The following CKAP2L variants were observed in gnomAD, a reference collection of about 807,000 sequenced individuals.
The protein encoded by CKAP2L is cytoskeleton-associated protein 2-like.
A neutral mutation model predicts 65.7 loss-of-function variants in CKAP2L; 42 were observed. The observed-to-expected ratio is 0.64, with a 90% CI of 0.50 to 0.83. CKAP2L has a LOEUF of 0.83. Ranked by LOEUF, CKAP2L falls within the 40% of genes least tolerant of loss-of-function variation. The pLI, the probability that CKAP2L is intolerant of heterozygous loss-of-function variation, is 0.00. For missense variants in CKAP2L, 908 were observed against 871.0 expected (o/e 1.04, Z -0.53); for synonymous variants, 325 against 313.5 (o/e 1.04, Z -0.39).
rs962003802 is a variant in CKAP2L at position 112,737,998 on chromosome 2, C to G, written c.*825G>C. The G allele has an allele frequency of 6.6e-6, 1 of 152,154 alleles. No homozygotes were observed. The allele number at this position is 152,154 out of a possible 1,614,324, so 9.4% of individuals were successfully genotyped here. On this transcript the variant is annotated 3_prime_UTR_variant, in exon 9 of 9. Transcript: ENST00000302450. ...TAATGACTAAGGTAAAACCTTTCCA[C>G]AAATAGTTGCCCAGGAGGAAGAAAA...
chr2:112,755,115 C>T (rs535133520), intron 4 of CKAP2L, among the ~76,000 whole-genome samples: 20 of 152,248 alleles, frequency 1.3e-4, no homozygotes, highest in African/African-American at 4.8e-4. Context: ...TTACATGCTC[C>T]CTTCACTCGT....
chr2:112,741,940 GTTTTTTTTTTTTTT>G (rs57634251), intron 7 of CKAP2L, among the ~76,000 whole-genome samples: 4 of 71,902 alleles, frequency 5.6e-5, no homozygotes, highest in South Asian at 5.7e-4. Flanking sequence ...TTTCTTTTCT[GTTTTTTTTTTTTTT>G]TTTTTTTTTT....
At chr2:112,750,432 G>C (rs1191874153) in intron 5 of CKAP2L, among the ~76,000 whole-genome samples, 1 of 152,192 alleles carries the variant, frequency 6.6e-6, no homozygotes, top group Non-Finnish European at 1.5e-5. Context: ...TAACAATGTA[G>C]CTCCCTTGCC....
chr2:112,756,988 G>A lies in CKAP2L; in HGVS notation c.383C>T (p.Ser128Leu), dbSNP rs76184593. Residue 128 changes from serine (S) to leucine (L), a missense_variant, in exon 4 of 9, where the codon TCG (serine) becomes TTG (leucine). Transcript: ENST00000302450. ...TCTTGACAGTTCTCCTGTTGTGGAC[G>A]ATCCAGCTTCACACTGTTGAAAACT... ...SKSFQQCEAG[S>L]STTGELSRKP... is the part of the protein sequence containing the mutation. 30 of 1,614,172 alleles carry A rather than the reference G, an allele frequency of 1.9e-5. 1 individual carries two copies. The highest frequency in any genetic ancestry group is 8.8e-5 in the South Asian group (8 of 91,078).
Position 112,756,065 on chromosome 2 carries a change from C to T in CKAP2L, c.1306G>A (p.Ala436Thr), listed in dbSNP as rs767029447. 1 of 1,613,966 alleles carries T rather than the reference C, an allele frequency of 6.2e-7. No individual in the cohort carries two copies. The highest frequency in any genetic ancestry group is 2.2e-5 in the East Asian group (1 of 44,884). The change falls in exon 4 of 9, where the codon GCT becomes ACT. Residue 436 changes from alanine to threonine, a missense_variant. By Grantham distance (58) the Ala-to-Thr change is moderately conservative. Transcript: ENST00000302450. Reference sequence around the variant, plus strand: ...GTGACATCAGCTTGAGTTTTGGGAGCTGTCTTGTTCAGAAAATGGTTCTGG... The same window carrying T: ...GTGACATCAGCTTGAGTTTTGGGAGTTGTCTTGTTCAGAAAATGGTTCTGG... ...VPQNHFLNKT[A>T]PKTQADVTTV...
chr2:112,752,845 A>G (rs1203827855), intron 4 of CKAP2L, among the ~76,000 whole-genome samples: 2 of 152,204 alleles, frequency 1.3e-5, no homozygotes, highest in African/African-American at 4.8e-5. Context: ...TCTCACGCAT[A>G]AGCTGTCACT....
Position 112,737,800 on chromosome 2 carries a change from A to G in CKAP2L, c.*1023T>C, listed in dbSNP as rs1270565380. 6.6e-6 allele frequency: 1 copy of G among 152,216 alleles called. No individual in the cohort carries two copies. The highest frequency in any genetic ancestry group is 1.5e-5 in the Non-Finnish European group (1 of 68,042). 9.4% of individuals were successfully genotyped at this position (152,216 alleles called of 1,614,324 possible). ...TAGGACAGCCAACTGGTATATCCTT[A>G]GACAAACTCCTAATTCTCTATGCAA... On this transcript the variant is annotated 3_prime_UTR_variant, in exon 9 of 9. Coordinates refer to ENST00000302450, the MANE Select transcript of CKAP2L (RefSeq NM_152515.5).
rs1345805061 is a variant in CKAP2L, at chr2:112,738,582, A to G, written c.*241T>C. On this transcript the variant is annotated 3_prime_UTR_variant, in exon 9 of 9. Transcript: ENST00000302450. ...AATATTTATCATAGTTGTAGGGTAA[A>G]TATTCAAAAGTTTGAAATTTATGTA... 4 of 513,568 alleles carry G rather than the reference A, an allele frequency of 7.8e-6. No homozygotes were observed. The highest frequency in any genetic ancestry group is 3.3e-5 in the East Asian group (1 of 30,154). 31.8% of individuals were successfully genotyped at this position (513,568 alleles called of 1,614,324 possible). A position where few individuals can be genotyped will look rare whatever the true frequency, so the allele number is the denominator to read the frequency against.
chr2:112,736,371 T>G lies in CKAP2L; in HGVS notation c.*2452A>C, dbSNP rs957921460. On this transcript the variant is annotated 3_prime_UTR_variant, in exon 9 of 9. Transcript: ENST00000302450. Reference sequence around the variant, plus strand: ...GCATTTTGGTGACAATTTTATTTTATTAGGTATATTTAAGATTTACAACAT... The same window carrying G: ...GCATTTTGGTGACAATTTTATTTTAGTAGGTATATTTAAGATTTACAACAT... Among the ~76,000 whole-genome samples, 1 of 152,214 alleles carries G rather than the reference T, an allele frequency of 6.6e-6. No homozygotes were observed. The highest frequency in any genetic ancestry group is 2.4e-5 in the African/African-American group (1 of 41,444).
chr2:112,749,562 A>G (rs1680304921), intron 5 of CKAP2L, among the ~76,000 whole-genome samples: 3 of 152,226 alleles, frequency 2.0e-5, no homozygotes, highest in African/African-American at 7.2e-5. Flanking sequence ...TAGAGTACAC[A>G]TAGGCCACAT....
intron 6 of CKAP2L, 139 bp from the exon 7 acceptor site, chr2:112,742,908 G>C: frequency 3.3e-6 from 2 of 604,606 alleles, no homozygotes; most frequent in Non-Finnish European, 5.7e-6. Context: ...CTTTTGTCTA[G>C]CTTGACAGTT....
intron 3 of CKAP2L, among the ~76,000 whole-genome samples, chr2:112,758,634 G>A (rs1021721036): frequency 6.6e-5 from 10 of 152,124 alleles, no homozygotes; most frequent in East Asian, 5.8e-4. Context: ...TATACACCTC[G>A]GATCTCTCCA....
At chr2:112,740,676 C>T in intron 8 of CKAP2L, 142 bp downstream of exon 8, 1 of 644,842 alleles carries the variant, frequency 1.6e-6, no homozygotes, top group Non-Finnish European at 2.7e-6. Context: ...GGGGTGAATG[C>T]ATTCTAATAC....
chr2:112,755,735 A>G (rs1416383566), intron 4 of CKAP2L, among the ~76,000 whole-genome samples: 1 of 151,754 alleles, frequency 6.6e-6, no homozygotes, highest in East Asian at 1.9e-4. Context: ...AATTTCTTAA[A>G]AAGAAAAAAA....
intron 7 of CKAP2L, chr2:112,742,298 G>T: frequency 1.4e-6 from 1 of 696,002 alleles, no homozygotes; most frequent in Non-Finnish European, 2.7e-6. Flanking sequence ...TCATCCAATT[G>T]AAGAGATTCC....
chr2:112,753,574 C>T (rs778574667), intron 4 of CKAP2L, among the ~76,000 whole-genome samples: 2 of 131,840 alleles, frequency 1.5e-5, no homozygotes, highest in Non-Finnish European at 3.1e-5. Flanking sequence ...GTTGCCCAGG[C>T]TGGAGTGAAG....
rs770693088 is a variant in CKAP2L, at chr2:112,762,524, T to C, written c.83A>G (p.Lys28Arg). 34 of 1,614,016 alleles carry C rather than the reference T, an allele frequency of 2.1e-5. No individual in the cohort carries two copies. The highest frequency in any genetic ancestry group is 2.7e-5 in the Non-Finnish European group (32 of 1,179,964). ...TCACTTGGTGTTTTGGCTCTTCAGT[T>C]TTCCCTTGGCTGCAAGGTACTCCTG... ...KLQEYLAAKG[K>R]LKSQNTKPYL... The change falls in exon 2 of 9, where the codon AAA becomes AGA. Residue 28 changes from lysine to arginine, a missense_variant. By Grantham distance (26) the Lys-to-Arg change is conservative (BLOSUM62 2). Coordinates refer to ENST00000302450, the MANE Select transcript of CKAP2L (RefSeq NM_152515.5).
At chr2:112,739,961 AT>A (rs905489088) in intron 8 of CKAP2L, among the ~76,000 whole-genome samples, 3 of 146,408 alleles carry the variant, frequency 2.0e-5, no homozygotes, top group African/African-American at 2.5e-5. Flanking sequence ...CAGCCTTTTC[AT>A]TTTTTTTTTG....
intron 5 of CKAP2L, among the ~76,000 whole-genome samples, chr2:112,747,097 C>CT (rs11365193): frequency 1.2e-4 from 18 of 145,620 alleles, no homozygotes; most frequent in South Asian, 2.2e-4. Flanking sequence ...CTTAATTTTT[C>CT]TTTTTTTTTT....
Sources: gnomAD v4.1 joint callset for allele counts (sites outside exome capture counted in the v4.1 genomes callset) on GRCh38, gnomAD v4.1.1 for gene constraint, MANE v1.5 for transcripts, NCBI Gene and HGNC (gene_info 2026-07-23, HGNC 2026-07-21) for gene names.